PUS7L: variants seen among roughly 807,000 people sequenced by gnomAD.
PUS7L encodes pseudouridylate synthase PUS7L.
Under a neutral mutation model 51.1 loss-of-function variants are expected in PUS7L, and 49 were observed. That is an observed-to-expected ratio of 0.96 (90% CI 0.76 to 1.22). PUS7L has a LOEUF of 1.22. PUS7L is among the 50% of genes most tolerant of loss of function. The probability of loss-of-function intolerance (pLI) is 0.00; values close to 1 mark genes in which losing one functional copy is unlikely to be tolerated. For synonymous variants in PUS7L, 277 were observed against 276.2 expected (o/e 1.00, Z -0.03); for missense variants, 828 against 820.6 (o/e 1.01, Z -0.11).
At chr12:43,754,008 C>A (rs1466070371) in intron 2 of PUS7L, among the ~76,000 whole-genome samples, 1 of 152,074 alleles carries the variant, frequency 6.6e-6, no homozygotes, top group Non-Finnish European at 1.5e-5. Flanking sequence ...AATATGAAAT[C>A]AAGATTTACC....
Position 43,742,471 on chromosome 12 carries a change from G to T in PUS7L, c.1348C>A (p.Leu450Met). ...AAAATCCATACCATTTCATTCTTCAGCAAAGCTAGTCCAATTTGGTCTGTG... is the reference window on the plus strand; with the variant it reads ...AAAATCCATACCATTTCATTCTTCATCAAAGCTAGTCCAATTTGGTCTGTG... The part of the protein sequence containing the change: ...VHTDQIGLAL[L>M]KNEMMKAIKL... Residue 450 changes from leucine (L) to methionine (M), a missense_variant, in exon 5 of 9, where the codon CTG becomes ATG. Physicochemically the swap from Leu to Met is conservative, Grantham distance 15. Coordinates refer to ENST00000344862, the MANE Select transcript of PUS7L (RefSeq NM_031292.5). 6.2e-7 allele frequency: 1 copy of T among 1,606,772 alleles called. No homozygotes were observed. Among genetic ancestry groups the T allele is most frequent in the Non-Finnish European group, 8.5e-7 (1 of 1,176,106 alleles).
At position 43,728,625 on chromosome 12, in the gene PUS7L, A is replaced by G. The variant is rs1272917358; in HGVS notation, c.*1751T>C. 6.6e-6 allele frequency: 1 copy of G among 152,108 alleles called. No individual in the cohort carries two copies. The highest frequency in any genetic ancestry group is 1.5e-5 in the Non-Finnish European group (1 of 67,966). The allele number at this position is 152,108 out of a possible 1,614,324, so 9.4% of individuals were successfully genotyped here. A position where few individuals can be genotyped will look rare whatever the true frequency, so the allele number is the denominator to read the frequency against. On this transcript the variant is annotated 3_prime_UTR_variant, in exon 9 of 9. Transcript: ENST00000344862. Reference sequence around the variant, plus strand: ...TATCCAATTTTGTGTATTGAGAATTATTTATTGCCAAAACATATAACAAAA... The same window carrying G: ...TATCCAATTTTGTGTATTGAGAATTGTTTATTGCCAAAACATATAACAAAA...
rs1944366789 is a variant in PUS7L, at chr12:43,719,206, TGTG to T, written c.*11167_*11169del. ...TCCTAAACAAAATATTAACAAATAA[TGTG>T]ATTGATCTCAGAAACAGTATTGAGT... On this transcript the variant is annotated 3_prime_UTR_variant, in exon 9 of 9. Transcript: ENST00000344862. 23 of 152,104 alleles carry T rather than the reference TGTG, an allele frequency of 1.5e-4. No individual in the cohort carries two copies. The highest frequency in any genetic ancestry group is 1.4e-3 in the Admixed American group (22 of 15,284). The allele number at this position is 152,104 out of a possible 1,614,324, so 9.4% of individuals were successfully genotyped here.
In PUS7L at chr12:43,721,318, G is replaced by C. The variant is rs1350059935; in HGVS notation, c.*9058C>G. ...TTAAATGAGACTAGTTATCATACCT[G>C]ACAGCTTGTTCTAAATTTTAAATCA... On this transcript the variant is annotated 3_prime_UTR_variant, in exon 9 of 9. Transcript: ENST00000344862. The C allele has an allele frequency of 1.3e-5, 2 of 152,096 alleles. No homozygotes were observed. The highest frequency in any genetic ancestry group is 1.3e-4 in the Admixed American group (2 of 15,268). The allele number at this position is 152,096 out of a possible 1,614,324, so 9.4% of individuals were successfully genotyped here.
intron 2 of PUS7L, among the ~76,000 whole-genome samples, chr12:43,749,974 G>A (rs747171494): frequency 2.0e-5 from 3 of 152,048 alleles, no homozygotes; most frequent in East Asian, 1.9e-4. Context: ...GGGTTCCATC[G>A]TACCCCAAAT....
At chr12:43,732,940 T>C (rs1944594551) in intron 7 of PUS7L, among the ~76,000 whole-genome samples, 1 of 152,198 alleles carries the variant, frequency 6.6e-6, no homozygotes. Flanking sequence ...ATTTCTAGCC[T>C]TTTTTCTTTC....
intron 6 of PUS7L, chr12:43,738,022 C>G: frequency 7.5e-6 from 2 of 268,186 alleles, no homozygotes; most frequent in Non-Finnish European, 1.4e-5. Context: ...GTGCCAGATT[C>G]GAATTTGGAA....
At chr12:43,747,566 C>T (rs1216605620) in intron 3 of PUS7L, among the ~76,000 whole-genome samples, 3 of 151,556 alleles carry the variant, frequency 2.0e-5, no homozygotes, top group East Asian at 2.0e-4. Context: ...TGGTGGTGGG[C>T]GCCTGTAATC....
Position 43,725,873 on chromosome 12 carries a change from G to A in PUS7L, c.*4503C>T, listed in dbSNP as rs1944448118. The A allele has an allele frequency of 6.6e-6, 1 of 152,102 alleles. No individual in the cohort carries two copies. Among genetic ancestry groups the A allele is most frequent in the Non-Finnish European group, 1.5e-5 (1 of 68,024 alleles). The allele number at this position is 152,102 out of a possible 1,614,324, so 9.4% of individuals were successfully genotyped here. The stretch of plus-strand genomic sequence containing the variant: ...TAAGGGAAGATAATACCTCCACACA[G>A]GGTGGGAATATGGATTAAAGTGTGA... On this transcript the variant is annotated 3_prime_UTR_variant, in exon 9 of 9. Coordinates refer to ENST00000344862, the MANE Select transcript of PUS7L (RefSeq NM_031292.5).
Position 43,723,463 on chromosome 12 carries a change from AG to A in PUS7L, c.*6912del, listed in dbSNP as rs770752807. 5.3e-5 allele frequency: 8 copies of A among 152,102 alleles called. No individual in the cohort carries two copies. The highest frequency in any genetic ancestry group is 1.2e-4 in the Non-Finnish European group (8 of 67,950). 9.4% of individuals were successfully genotyped at this position (152,102 alleles called of 1,614,324 possible). On this transcript the variant is annotated 3_prime_UTR_variant, in exon 9 of 9. Coordinates refer to ENST00000344862, the MANE Select transcript of PUS7L (RefSeq NM_031292.5). ...TAAGGATTTAGAATGGAGTGCTGAGAGGTCAAGTAACATATTATTGGTCATA... is the reference window on the plus strand; with the variant it reads ...TAAGGATTTAGAATGGAGTGCTGAGAGTCAAGTAACATATTATTGGTCATA...
intron 6 of PUS7L, 154 bp from the exon 7 acceptor site, chr12:43,736,815 T>C (rs1944704927): frequency 3.4e-6 from 2 of 581,844 alleles, no homozygotes; most frequent in Non-Finnish European, 5.8e-6. Flanking sequence ...TGAAGAGCTT[T>C]AAAAAAAATA....
intron 7 of PUS7L, 144 bp downstream of exon 7, chr12:43,736,237 G>A (rs1944685295): frequency 1.4e-6 from 1 of 707,238 alleles, no homozygotes; most frequent in Non-Finnish European, 2.3e-6. Flanking sequence ...CAGCAGACTT[G>A]AAGCAGGAGA....
At position 43,723,677 on chromosome 12, in the gene PUS7L, C is replaced by T. The variant is rs1944422524; in HGVS notation, c.*6699G>A. The stretch of plus-strand genomic sequence containing the variant: ...ATAGCATTTTGTAGAGTACCTTTCA[C>T]TTATTCAAATATTTGTTGGTTATTA... On this transcript the variant is annotated 3_prime_UTR_variant, in exon 9 of 9. Coordinates refer to ENST00000344862, the MANE Select transcript of PUS7L (RefSeq NM_031292.5). The T allele has an allele frequency of 6.6e-6, 1 of 152,036 alleles. No individual in the cohort carries two copies. Among genetic ancestry groups the T allele is most frequent in the East Asian group, 1.9e-4 (1 of 5,194 alleles). 9.4% of individuals were successfully genotyped at this position (152,036 alleles called of 1,614,324 possible). A position where few individuals can be genotyped will look rare whatever the true frequency, so the allele number is the denominator to read the frequency against.
chr12:43,738,286 T>C (rs1937711448), intron 6 of PUS7L, 24 bp downstream of exon 6: 1 of 1,195,506 alleles, frequency 8.4e-7, no homozygotes, highest in Non-Finnish European at 1.3e-6. Flanking sequence ...CATGGTTATG[T>C]ACAGGATAAA....
At chr12:43,738,475 C>T in intron 5 of PUS7L, 84 bp from the exon 6 acceptor site, 1 of 738,250 alleles carries the variant, frequency 1.4e-6, no homozygotes, top group African/African-American at 1.8e-5. Context: ...CTCTAGCATC[C>T]TAAAAGAATA....
chr12:43,736,743 T>G lies in PUS7L; in HGVS notation c.1445-82A>C, dbSNP rs538521000. On this transcript the variant is annotated intron_variant, in intron 6 of 8. Coordinates refer to ENST00000344862, the MANE Select transcript of PUS7L (RefSeq NM_031292.5). ...AAAGGCTTTTGTTCTAATCTCAAAC[T>G]GAGGCAATGAACATGGGTATTAAGA... 85 of 1,261,810 alleles carry G rather than the reference T, an allele frequency of 6.7e-5. No homozygotes were observed. In the East Asian group the frequency reaches 1.9e-3, roughly 29 times the overall value. 78.2% of individuals were successfully genotyped at this position (1,261,810 alleles called of 1,614,324 possible). A position where few individuals can be genotyped will look rare whatever the true frequency, so the allele number is the denominator to read the frequency against.
chr12:43,755,782 G>C (rs1938670750), intron 1 of PUS7L, among the ~76,000 whole-genome samples: 2 of 152,182 alleles, frequency 1.3e-5, no homozygotes, highest in Non-Finnish European at 2.9e-5. Context: ...TTTGTGATTT[G>C]ATTATATTTC....
Position 43,736,630 on chromosome 12 carries a change from A to G in PUS7L, c.1476T>C (p.Pro492=). ...EDAKGTLSLM[P]EFKVRERALL... ...ATGCTCTCTCACGCACTTTGAATTC[A>G]GGCATCAATGAAAGTGTGCCTTTAG... is the stretch of plus-strand genomic sequence containing the variant. The change falls in exon 7 of 9, where the codon CCT becomes CCC. Residue 492 remains proline (P), a synonymous_variant. Transcript: ENST00000344862. 6.2e-7 allele frequency: 1 copy of G among 1,614,022 alleles called. No individual in the cohort carries two copies. Among genetic ancestry groups the G allele is most frequent in the East Asian group, 2.2e-5 (1 of 44,892 alleles).
chr12:43,732,005 C>CT (rs1444425684), intron 7 of PUS7L, among the ~76,000 whole-genome samples: 1 of 152,186 alleles, frequency 6.6e-6, no homozygotes, highest in Non-Finnish European at 1.5e-5. Flanking sequence ...GCTGAAAACT[C>CT]TGAGGCAATA....
Sources: allele counts gnomAD v4.1 joint callset (sites outside exome capture counted in the v4.1 genomes callset), GRCh38; gene constraint gnomAD v4.1.1; transcripts MANE v1.5; gene names NCBI Gene and HGNC (gene_info 2026-07-23, HGNC 2026-07-21).